The following ZNF407 variants were observed in gnomAD, a reference collection of about 807,000 sequenced individuals.
The protein encoded by ZNF407 is zinc finger protein 407.
Under a neutral mutation model 131.2 loss-of-function variants are expected in ZNF407, and 17 were observed. The observed-to-expected ratio is 0.13, with a 90% CI of 0.09 to 0.19. ZNF407 has a LOEUF of 0.19. ZNF407 is among the 10% of genes least tolerant of loss of function. The pLI, the probability that ZNF407 is intolerant of heterozygous loss-of-function variation, is 1.00. For synonymous variants in ZNF407, 1,156 were observed against 1,062.0 expected (o/e 1.09, Z -1.72); for missense variants, 2,681 against 2,830.6 (o/e 0.95, Z 1.20).
At chr18:74,842,335 T>C (rs1390701200) in intron 4 of ZNF407, among the ~76,000 whole-genome samples, 1 of 152,212 alleles carries the variant, frequency 6.6e-6, no homozygotes, top group Non-Finnish European at 1.5e-5. Flanking sequence ...CATTATAACA[T>C]TGTTAAGTGC....
chr18:74,702,307 T>C (rs995746768), intron 3 of ZNF407, among the ~76,000 whole-genome samples: 1 of 152,180 alleles, frequency 6.6e-6, no homozygotes, highest in African/African-American at 2.4e-5. Flanking sequence ...TCAAGTACAC[T>C]TTTGGTGTTT....
At chr18:74,728,419 G>A (rs537347233) in intron 3 of ZNF407, among the ~76,000 whole-genome samples, 25 of 152,164 alleles carry the variant, frequency 1.6e-4, no homozygotes, top group Non-Finnish European at 2.8e-4. Context: ...AAGGATGTGT[G>A]CTGGCAGCAT....
At chr18:74,664,558 G>T (rs888224785) in intron 3 of ZNF407, among the ~76,000 whole-genome samples, 15 of 152,152 alleles carry the variant, frequency 9.9e-5, no homozygotes, top group Non-Finnish European at 2.1e-4. Context: ...CACACATGAA[G>T]TATTTTAGTC....
intron 3 of ZNF407, among the ~76,000 whole-genome samples, chr18:74,684,593 CTGAG>C (rs1348609451): frequency 6.6e-6 from 1 of 152,110 alleles, no homozygotes; most frequent in Non-Finnish European, 1.5e-5. Context: ...AGATTGTAAA[CTGAG>C]TATCGTACTG....
intron 8 of ZNF407, chr18:74,920,903 A>C: frequency 8.1e-7 from 1 of 1,229,562 alleles, no homozygotes. Flanking sequence ...CAAAAAAGGA[A>C]ATCTGACAGA....
intron 4 of ZNF407, among the ~76,000 whole-genome samples, chr18:74,805,077 T>C (rs1970088755): frequency 6.6e-6 from 1 of 152,184 alleles, no homozygotes; most frequent in African/African-American, 2.4e-5. Flanking sequence ...AAAAATGACC[T>C]CTTTTTTCCC....
At chr18:74,848,100 C>A (rs564120222) in intron 4 of ZNF407, among the ~76,000 whole-genome samples, 2 of 152,122 alleles carry the variant, frequency 1.3e-5, no homozygotes, top group East Asian at 1.9e-4. Context: ...GCGTGACAAA[C>A]CTGAACTCAT....
intron 8 of ZNF407, among the ~76,000 whole-genome samples, chr18:74,989,412 A>G (rs893938058): frequency 1.3e-5 from 2 of 152,280 alleles, no homozygotes; most frequent in African/African-American, 4.8e-5. Context: ...ACTCAGCACA[A>G]TGTGCAAGCT....
chr18:74,676,725 T>C (rs149299895), intron 3 of ZNF407, among the ~76,000 whole-genome samples: 3,944 of 152,204 alleles, frequency 0.026, 68 homozygotes, highest in South Asian at 0.044. Context: ...TGAGCCACTG[T>C]GCCCGGCCAG....
chr18:74,832,168 C>T (rs575337797), intron 4 of ZNF407, among the ~76,000 whole-genome samples: 44 of 152,230 alleles, frequency 2.9e-4, no homozygotes, highest in African/African-American at 7.7e-4. Flanking sequence ...GTCTCACAGA[C>T]GAAGATGTTG....
intron 4 of ZNF407, among the ~76,000 whole-genome samples, chr18:74,805,432 G>T (rs949535309): frequency 2.6e-5 from 4 of 152,140 alleles, no homozygotes; most frequent in African/African-American, 7.2e-5. Context: ...TAGTTGTAGT[G>T]ATAAAGATAA....
chr18:74,957,119 C>G (rs111716873), intron 8 of ZNF407, among the ~76,000 whole-genome samples: 1 of 152,140 alleles, frequency 6.6e-6, no homozygotes, highest in Non-Finnish European at 1.5e-5. Context: ...TAACCTGCAG[C>G]TTTAGGCCCC....
chr18:74,852,889 AT>A (rs1568241832), intron 4 of ZNF407, among the ~76,000 whole-genome samples: 1 of 152,170 alleles, frequency 6.6e-6, no homozygotes, highest in Non-Finnish European at 1.5e-5. Flanking sequence ...ATTTATTACA[AT>A]TTTCTAAATC....
intron 8 of ZNF407, among the ~76,000 whole-genome samples, chr18:75,059,832 G>A (rs539268437): frequency 6.6e-6 from 1 of 152,280 alleles, no homozygotes. Context: ...GCAGCGATTC[G>A]GCCCCTGCCC....
At chr18:74,883,493 G>A (rs1971266119) in intron 6 of ZNF407, among the ~76,000 whole-genome samples, 1 of 152,180 alleles carries the variant, frequency 6.6e-6, no homozygotes, top group Non-Finnish European at 1.5e-5. Flanking sequence ...TCCAAATGGT[G>A]TAAATAATTC....
At chr18:75,009,077 C>T (rs1476132913) in intron 8 of ZNF407, among the ~76,000 whole-genome samples, 1 of 152,158 alleles carries the variant, frequency 6.6e-6, no homozygotes, top group African/African-American at 2.4e-5. Flanking sequence ...CCTTTCTCTT[C>T]TGTTTATTCC....
At chr18:74,980,445 A>C (rs900621954) in intron 8 of ZNF407, among the ~76,000 whole-genome samples, 18 of 152,140 alleles carry the variant, frequency 1.2e-4, no homozygotes, top group African/African-American at 3.4e-4. Context: ...GCTGGGATAC[A>C]GGCACCCACT....
chr18:75,018,925 TC>T (rs1973075952), intron 8 of ZNF407, among the ~76,000 whole-genome samples: 1 of 152,126 alleles, frequency 6.6e-6, no homozygotes, highest in African/African-American at 2.4e-5. Context: ...CTTTAACTGC[TC>T]TCCATTATTT....
chr18:74,817,597 G>T (rs1447717701), intron 4 of ZNF407, among the ~76,000 whole-genome samples: 2 of 152,102 alleles, frequency 1.3e-5, no homozygotes, highest in Non-Finnish European at 2.9e-5. Flanking sequence ...ATAGCATTTA[G>T]TTATAAATTA....
Sources: allele counts gnomAD v4.1 joint callset (sites outside exome capture counted in the v4.1 genomes callset), GRCh38; gene constraint gnomAD v4.1.1; transcripts MANE v1.5; gene names NCBI Gene and HGNC (gene_info 2026-07-23, HGNC 2026-07-21).